Variants in MAP4K3 observed in about 807,000 individuals in gnomAD.
MAP4K3 encodes the protein MAPK/ERK kinase kinase kinase 3.
Under a neutral mutation model 143.5 loss-of-function variants are expected in MAP4K3, and 94 were observed. The observed-to-expected ratio is 0.65, with a 90% CI of 0.55 to 0.78. The LOEUF (loss-of-function observed/expected upper bound fraction) is 0.78, where lower values mean the gene tolerates loss of function less well. Among genes scored for constraint, MAP4K3 ranks in the 30% least tolerant of loss-of-function variants. The probability of loss-of-function intolerance (pLI) is 0.00; values close to 1 mark genes in which losing one functional copy is unlikely to be tolerated. For missense variants in MAP4K3, 1,077 were observed against 1,068.1 expected, an observed-to-expected ratio of 1.01 and a Z score of -0.12; for synonymous variants, 416 against 347.2, an observed-to-expected ratio of 1.20 and a Z score of -2.20.
chr2:39,402,102 C>T (rs370240379), intron 1 of MAP4K3, among the ~76,000 whole-genome samples: 31 of 151,998 alleles, frequency 2.0e-4, no homozygotes, highest in Middle Eastern at 3.4e-3. Context: ...AATAGAAACA[C>T]GGACTACGAA....
chr2:39,334,653 T>G (rs1683802242), intron 6 of MAP4K3, among the ~76,000 whole-genome samples: 1 of 152,140 alleles, frequency 6.6e-6, no homozygotes. Context: ...AGACTAACTT[T>G]CCTAAGTTAT....
At chr2:39,402,890 A>G (rs1214896334) in intron 1 of MAP4K3, among the ~76,000 whole-genome samples, 1 of 152,116 alleles carries the variant, frequency 6.6e-6, no homozygotes, top group African/African-American at 2.4e-5. Context: ...GATTGTACAC[A>G]TATTAAAAGG....
intron 2 of MAP4K3, among the ~76,000 whole-genome samples, chr2:39,361,796 T>G (rs914893686): frequency 5.3e-5 from 8 of 151,992 alleles, no homozygotes; most frequent in African/African-American, 1.9e-4. Flanking sequence ...AATAGCTGTT[T>G]GATACTGCAA....
chr2:39,330,248 G>A (rs1558650108), intron 8 of MAP4K3, among the ~76,000 whole-genome samples: 3 of 151,972 alleles, frequency 2.0e-5, no homozygotes, highest in Admixed American at 2.0e-4. Flanking sequence ...CAAAACACCA[G>A]GAATGATTCT....
intron 1 of MAP4K3, among the ~76,000 whole-genome samples, chr2:39,384,011 T>C (rs1666420868): frequency 6.6e-6 from 1 of 151,412 alleles, no homozygotes; most frequent in Non-Finnish European, 1.5e-5. Context: ...CCCAAGAGGC[T>C]GAGGTGGGAG....
Position 39,272,312 on chromosome 2 carries a change from T to C in MAP4K3, c.1944A>G (p.Ala648=), listed in dbSNP as rs761615853. Residue 648 remains alanine, a synonymous_variant, in exon 26 of 34, where the codon GCA becomes GCG. Coordinates refer to ENST00000263881, the MANE Select transcript of MAP4K3 (RefSeq NM_003618.4). The stretch of plus-strand genomic sequence containing the variant: ...GCAGTATTCTGTCAGGGAGTTTGTG[T>C]GCTGGAATAGCAACAGGTAACTTTT... ...QMQKLPVAIP[A]HKLPDRILPR... 1.3e-5 allele frequency: 21 copies of C among 1,613,600 alleles called. No homozygotes were observed. The South Asian group carries it at 2.3e-4, about 18-fold the overall frequency.
intron 2 of MAP4K3, among the ~76,000 whole-genome samples, chr2:39,369,269 C>T (rs1418147736): frequency 7.8e-6 from 1 of 128,642 alleles, no homozygotes; most frequent in Non-Finnish European, 1.5e-5. Flanking sequence ...GATCTTGGCT[C>T]ACTGCAACCT....
intron 15 of MAP4K3, among the ~76,000 whole-genome samples, chr2:39,307,734 C>T (rs1241521508): frequency 6.6e-6 from 1 of 151,338 alleles, no homozygotes; most frequent in Non-Finnish European, 1.5e-5. Flanking sequence ...AAAATACAAG[C>T]ATGTTTATTA....
At chr2:39,418,900 A>G (rs1309122127) in intron 1 of MAP4K3, among the ~76,000 whole-genome samples, 2 of 152,222 alleles carry the variant, frequency 1.3e-5, no homozygotes, top group African/African-American at 4.8e-5. Flanking sequence ...ATCCTGAGAC[A>G]GAAAGAGGCA....
intron 15 of MAP4K3, among the ~76,000 whole-genome samples, chr2:39,304,815 C>A (rs1682639860): frequency 6.6e-6 from 1 of 152,174 alleles, no homozygotes; most frequent in African/African-American, 2.4e-5. Context: ...CACTGTCCAT[C>A]AATGGATGAA....
chr2:39,265,309 G>C lies in MAP4K3; in HGVS notation c.2033-3C>G. The C allele has an allele frequency of 6.4e-7, 1 of 1,558,098 alleles. No homozygotes were observed. The highest frequency in any genetic ancestry group is 8.8e-7 in the Non-Finnish European group (1 of 1,130,194). On this transcript the variant is annotated splice_region_variant and splice_polypyrimidine_tract_variant and intron_variant, in intron 27 of 33. Coordinates refer to ENST00000263881, the MANE Select transcript of MAP4K3 (RefSeq NM_003618.4). Reference sequence around the variant, plus strand: ...ATGGCCCGTGTAAGGATTTCTTACTGTCAAAGCAAAAATATAAATGAGTTC... The same window carrying C: ...ATGGCCCGTGTAAGGATTTCTTACTCTCAAAGCAAAAATATAAATGAGTTC...
intron 3 of MAP4K3, among the ~76,000 whole-genome samples, chr2:39,355,392 A>G (rs2148551766): frequency 7.0e-6 from 1 of 143,422 alleles, no homozygotes; most frequent in African/African-American, 2.7e-5. Flanking sequence ...AAGGCTGGGC[A>G]TGGTGGTACG....
Position 39,251,688 on chromosome 2 carries a change from G to C in MAP4K3, c.2597+142C>G, listed in dbSNP as rs1035617708. On this transcript the variant is annotated intron_variant, in intron 33 of 33. Transcript: ENST00000263881. The stretch of plus-strand genomic sequence containing the variant: ...GTACATTTTCAAAGGCTAACTTTCT[G>C]ACCTGTGAATTCTTATAGTGTGAAA... 1.3e-4 allele frequency: 83 copies of C among 655,952 alleles called. No individual in the cohort carries two copies. In the East Asian group the frequency reaches 2.3e-3, roughly 18 times the overall value. 40.6% of individuals were successfully genotyped at this position (655,952 alleles called of 1,614,324 possible). A position where few individuals can be genotyped will look rare whatever the true frequency, so the allele number is the denominator to read the frequency against.
intron 8 of MAP4K3, among the ~76,000 whole-genome samples, chr2:39,330,986 G>A (rs1683665157): frequency 6.6e-6 from 1 of 152,104 alleles, no homozygotes; most frequent in African/African-American, 2.4e-5. Context: ...AGAGATGGCA[G>A]AAGTTACAAC....
chr2:39,309,715 G>A (rs1419936077), intron 13 of MAP4K3, among the ~76,000 whole-genome samples, 196 bp from the exon 14 acceptor site: 2 of 151,056 alleles, frequency 1.3e-5, no homozygotes, highest in Admixed American at 6.6e-5. Context: ...CCTCCACCAC[G>A]CCCGGCTGAT....
At chr2:39,256,644 T>G (rs1680352280) in intron 31 of MAP4K3, among the ~76,000 whole-genome samples, 1 of 152,240 alleles carries the variant, frequency 6.6e-6, no homozygotes, top group South Asian at 2.1e-4. Flanking sequence ...TATTTAGATT[T>G]TTAAAAATGA....
At chr2:39,353,736 TAGCAGCAGCAGC>T (rs150401154) in intron 3 of MAP4K3, among the ~76,000 whole-genome samples, 32 of 151,284 alleles carry the variant, frequency 2.1e-4, no homozygotes, top group Non-Finnish European at 2.5e-4. Context: ...GTAGTAGTAG[TAGCAGCAGCAGC>T]AGCAGCAGCA....
chr2:39,372,226 CA>C (rs1206883728), intron 2 of MAP4K3, among the ~76,000 whole-genome samples: 17 of 149,664 alleles, frequency 1.1e-4, no homozygotes, highest in Non-Finnish European at 2.4e-4. Context: ...AGGAATTAAC[CA>C]AAAAAATGAA....
intron 2 of MAP4K3, among the ~76,000 whole-genome samples, chr2:39,372,044 A>C (rs1666096284): frequency 6.6e-6 from 1 of 151,832 alleles, no homozygotes; most frequent in Non-Finnish European, 1.5e-5. Flanking sequence ...GAAAAATCTA[A>C]AGACTCCACC....
Sources: allele counts gnomAD v4.1 joint callset (sites outside exome capture counted in the v4.1 genomes callset), GRCh38; gene constraint gnomAD v4.1.1; transcripts MANE v1.5; gene names NCBI Gene and HGNC (gene_info 2026-07-23, HGNC 2026-07-21).